The following CABLES1 variants were observed in gnomAD, a reference collection of about 807,000 sequenced individuals.
CABLES1 encodes the protein Cdk5 and Abl enzyme substrate 1.
Under a neutral mutation model 57.8 loss-of-function variants are expected in CABLES1, and 36 were observed. That is an observed-to-expected ratio of 0.62 (90% confidence interval 0.48 to 0.82). CABLES1 has a LOEUF of 0.82. Ranked by LOEUF, CABLES1 falls within the 40% of genes least tolerant of loss-of-function variation. The pLI is 0.00. For missense variants in CABLES1, 767 were observed against 836.6 expected, an observed-to-expected ratio of 0.92 and a Z score of 1.03; for synonymous variants, 374 against 363.0, an observed-to-expected ratio of 1.03 and a Z score of -0.35.
rs2304301 is a variant in CABLES1 at position 23,214,031 on chromosome 18, G to A, written c.1065G>A (p.Pro355=). 0.024 allele frequency: 38,930 copies of A among 1,612,110 alleles called. 604 individuals carry two copies. The highest frequency in any genetic ancestry group is 0.049 in the African/African-American group (3,702 of 74,936). The change falls in exon 4 of 10, where the codon CCG becomes CCA. Residue 355 remains proline, a synonymous_variant. Transcript: ENST00000256925. ...TCTGTAGTATATTTTCAGTGCTGCC[G>A]TATCGCGACAGTACCCAAGTCGGGT... The part of the protein sequence containing the change: ...RSFCSIFSVL[P]YRDSTQVGDL...
rs55990512 is a variant in CABLES1, at chr18:23,245,155, C to A, written c.1447-7805C>A. Reference sequence around the variant, plus strand: ...CGTGGGCCAGGATGGGGCCCAAGTTCAGTTCCATGGAGGCCCCTTCCCTCT... The same window carrying A: ...CGTGGGCCAGGATGGGGCCCAAGTTAAGTTCCATGGAGGCCCCTTCCCTCT... On this transcript the variant is annotated intron_variant, in intron 7 of 9. Transcript: ENST00000256925. 7.0e-3 allele frequency among the ~76,000 whole-genome samples: 1,061 copies of A among 152,252 alleles called. 13 individuals carry two copies. Among genetic ancestry groups the A allele is most frequent in the African/African-American group, 0.025 (1,023 of 41,530 alleles).
chr18:23,234,462 G>A (rs529357580), intron 4 of CABLES1, 146 bp from the exon 5 acceptor site: 66 of 647,488 alleles, frequency 1.0e-4, no homozygotes, highest in African/African-American at 9.4e-4. Flanking sequence ...GCAAGCGCCC[G>A]AAGAGGGACA....
chr18:23,150,791 C>G (rs954936321), intron 1 of CABLES1, among the ~76,000 whole-genome samples: 1 of 151,948 alleles, frequency 6.6e-6, no homozygotes, highest in Non-Finnish European at 1.5e-5. Context: ...CAGTTCACCA[C>G]CGAGAGATGG....
intron 1 of CABLES1, among the ~76,000 whole-genome samples, chr18:23,181,460 C>T (rs2047165428): frequency 7.7e-6 from 1 of 129,080 alleles, no homozygotes; most frequent in African/African-American, 2.9e-5. Context: ...CACACCATTG[C>T]ACTCCAGCCT....
At chr18:23,246,514 C>T (rs536469594) in intron 7 of CABLES1, among the ~76,000 whole-genome samples, 19 of 152,048 alleles carry the variant, frequency 1.2e-4, no homozygotes, top group Admixed American at 7.9e-4. Context: ...GCGTCAGCCT[C>T]CCAAGTAGCT....
intron 3 of CABLES1, among the ~76,000 whole-genome samples, chr18:23,208,571 G>A (rs956935772): frequency 6.6e-6 from 1 of 152,220 alleles, no homozygotes; most frequent in Non-Finnish European, 1.5e-5. Context: ...ATTTGTCTCC[G>A]GACATTGGCC....
At chr18:23,246,683 A>T (rs115657779) in intron 7 of CABLES1, among the ~76,000 whole-genome samples, 2 of 151,172 alleles carry the variant, frequency 1.3e-5, no homozygotes, top group African/African-American at 2.4e-5. Context: ...GAGCCACCGC[A>T]CCCGGCCAGT....
intron 1 of CABLES1, among the ~76,000 whole-genome samples, chr18:23,166,535 C>A (rs1215010195): frequency 2.0e-5 from 3 of 151,872 alleles, no homozygotes; most frequent in African/African-American, 7.3e-5. Context: ...TTTTTTCTTT[C>A]TCTGGTAACA....
At chr18:23,192,698 C>G (rs77248072) in intron 2 of CABLES1, among the ~76,000 whole-genome samples, 11,942 of 152,232 alleles carry the variant, frequency 0.078, 976 homozygotes, top group Admixed American at 0.22. Flanking sequence ...TTTATGCTTT[C>G]AGGGATTCTC....
intron 1 of CABLES1, among the ~76,000 whole-genome samples, chr18:23,142,707 C>T (rs990794384): frequency 2.0e-5 from 3 of 152,212 alleles, no homozygotes; most frequent in Admixed American, 6.5e-5. Context: ...AGGCATAAAA[C>T]ATGGTCCCTG....
intron 1 of CABLES1, among the ~76,000 whole-genome samples, chr18:23,171,468 C>G (rs2047081865): frequency 6.6e-6 from 1 of 152,250 alleles, no homozygotes; most frequent in Admixed American, 6.5e-5. Context: ...TTGCCATGGT[C>G]TGCACCATTC....
intron 1 of CABLES1, among the ~76,000 whole-genome samples, chr18:23,152,988 G>T (rs569388721): frequency 6.6e-5 from 10 of 151,772 alleles, no homozygotes; most frequent in African/African-American, 2.4e-4. Context: ...TTTTAGTAGA[G>T]ACAGGGTTTC....
At chr18:23,155,705 C>CCACGTGGCAGGATCCTAGAAT in intron 1 of CABLES1, 1 of 838,310 alleles carries the variant, frequency 1.2e-6, no homozygotes, top group South Asian at 1.9e-5. Flanking sequence ...CATGTGGTCT[C>CCACGTGGCAGGATCCTAGAAT]CACGTGGCAG....
intron 3 of CABLES1, among the ~76,000 whole-genome samples, chr18:23,199,264 G>T (rs903671006): frequency 2.6e-5 from 4 of 152,056 alleles, no homozygotes; most frequent in Admixed American, 2.0e-4. Flanking sequence ...AGACACCGTG[G>T]GAAAGTTGGG....
intron 1 of CABLES1, among the ~76,000 whole-genome samples, chr18:23,159,332 C>G (rs772396965): frequency 1.3e-5 from 2 of 152,162 alleles, no homozygotes; most frequent in Non-Finnish European, 2.9e-5. Flanking sequence ...TACTTTCTTA[C>G]AAAAAAATTG....
chr18:23,218,160 C>T (rs971697869), intron 4 of CABLES1, among the ~76,000 whole-genome samples: 4 of 152,224 alleles, frequency 2.6e-5, no homozygotes, highest in African/African-American at 9.6e-5. Flanking sequence ...GTACTTGAGC[C>T]TCCTTCCCAT....
At chr18:23,137,458 G>T (rs2046830506) in intron 1 of CABLES1, among the ~76,000 whole-genome samples, 1 of 152,204 alleles carries the variant, frequency 6.6e-6, no homozygotes, top group Non-Finnish European at 1.5e-5. Context: ...GGGAACAGGT[G>T]GGGAAATGCA....
At position 23,148,563 on chromosome 18, in the gene CABLES1, C is replaced by T. The variant is rs576323678; in HGVS notation, c.845+11956C>T. On this transcript the variant is annotated intron_variant, in intron 1 of 9. Coordinates refer to ENST00000256925, the MANE Select transcript of CABLES1 (RefSeq NM_001100619.3). ...ACATCTGCATGCCAGGCAAGTGTGG[C>T]CTTGTTCAGAGATAAATGGGGCCCA... is the stretch of plus-strand genomic sequence containing the variant. Among the ~76,000 whole-genome samples, 33 of 152,316 alleles carry T rather than the reference C, an allele frequency of 2.2e-4. No individual in the cohort carries two copies. In the South Asian group the frequency reaches 4.8e-3, roughly 22 times the overall value.
At chr18:23,199,227 C>T (rs1268493379) in intron 3 of CABLES1, among the ~76,000 whole-genome samples, 1 of 152,218 alleles carries the variant, frequency 6.6e-6, no homozygotes, top group Non-Finnish European at 1.5e-5. Context: ...AACTGTCATA[C>T]ATTGCTGGTG....
Sources: gnomAD v4.1 joint callset for allele counts (sites outside exome capture counted in the v4.1 genomes callset) on GRCh38, gnomAD v4.1.1 for gene constraint, MANE v1.5 for transcripts, NCBI Gene and HGNC (gene_info 2026-07-23, HGNC 2026-07-21) for gene names.